The following RETREG1 variants were observed in gnomAD, a reference collection of about 807,000 sequenced individuals.
RETREG1 encodes reticulophagy regulator 1.
In RETREG1, 44 loss-of-function variants were observed where a neutral mutation model predicts 54.8. The observed-to-expected ratio is 0.80, with a 90% CI of 0.63 to 1.03. The LOEUF (loss-of-function observed/expected upper bound fraction) is 1.03, where lower values mean the gene tolerates loss of function less well. Among genes scored for constraint, RETREG1 ranks in the 50% least tolerant of loss-of-function variants. The pLI, the probability that RETREG1 is intolerant of heterozygous loss-of-function variation, is 0.00. For synonymous variants in RETREG1, 217 were observed against 238.5 expected (o/e 0.91, Z 0.83); for missense variants, 554 against 605.1 (o/e 0.92, Z 0.89).
chr5:16,607,179 C>T (rs1184320630), intron 1 of RETREG1, among the ~76,000 whole-genome samples: 3 of 152,130 alleles, frequency 2.0e-5, no homozygotes, highest in South Asian at 2.1e-4. Context: ...TCATAACATC[C>T]GGCCTTTTCT....
At chr5:16,595,958 A>T (rs988360563) in intron 1 of RETREG1, among the ~76,000 whole-genome samples, 6 of 152,200 alleles carry the variant, frequency 3.9e-5, no homozygotes, top group Non-Finnish European at 8.8e-5. Context: ...ACACTAGGGA[A>T]CATTATTATT....
chr5:16,480,433 A>G (rs577789974), intron 5 of RETREG1, among the ~76,000 whole-genome samples: 3 of 152,202 alleles, frequency 2.0e-5, no homozygotes, highest in Admixed American at 1.3e-4. Context: ...ATCTGTTATG[A>G]ACATTTATGT....
chr5:16,566,254 C>T (rs369011990), intron 2 of RETREG1, among the ~76,000 whole-genome samples: 26 of 151,832 alleles, frequency 1.7e-4, no homozygotes, highest in African/African-American at 5.6e-4. Flanking sequence ...GACATGGTGC[C>T]GACAAAAGGA....
chr5:16,560,846 G>A (rs932446328), intron 3 of RETREG1, among the ~76,000 whole-genome samples: 1 of 152,044 alleles, frequency 6.6e-6, no homozygotes, highest in Non-Finnish European at 1.5e-5. Flanking sequence ...ACAACATATC[G>A]AATCATCAAA....
Position 16,616,645 on chromosome 5 carries a change from C to G in RETREG1, c.320+7G>C. ...CCTCAGCGCCCCCACCTTGCCCAAG[C>G]TCTCACCAGAACAGCAGGTTGGCAG... On this transcript the variant is annotated splice_region_variant and intron_variant, in intron 1 of 8. Coordinates refer to ENST00000306320, the MANE Select transcript of RETREG1 (RefSeq NM_001034850.3). 2 of 1,589,442 alleles carry G rather than the reference C, an allele frequency of 1.3e-6. No homozygotes were observed. The highest frequency in any genetic ancestry group is 1.7e-6 in the Non-Finnish European group (2 of 1,174,044).
intron 3 of RETREG1, among the ~76,000 whole-genome samples, chr5:16,511,475 AG>A (rs1740172349): frequency 6.6e-6 from 1 of 152,208 alleles, no homozygotes; most frequent in African/African-American, 2.4e-5. Flanking sequence ...TTTTCAACTT[AG>A]GATGGGTTTC....
chr5:16,517,997 AAG>A (rs1554018880), intron 3 of RETREG1, among the ~76,000 whole-genome samples: 1 of 151,468 alleles, frequency 6.6e-6, no homozygotes, highest in Non-Finnish European at 1.5e-5. Flanking sequence ...TAGTTAGTAA[AAG>A]AGAGAGAGAA....
intron 3 of RETREG1, among the ~76,000 whole-genome samples, chr5:16,564,576 C>T (rs1415373460): frequency 3.3e-5 from 5 of 152,312 alleles, no homozygotes; most frequent in African/African-American, 9.6e-5. Context: ...CCTGCCTATG[C>T]GCAGCACACA....
At chr5:16,502,380 T>C (rs1472969528) in intron 3 of RETREG1, among the ~76,000 whole-genome samples, 2 of 152,228 alleles carry the variant, frequency 1.3e-5, no homozygotes, top group Non-Finnish European at 2.9e-5. Flanking sequence ...CTGGGCTGCC[T>C]GACCAATTGA....
At chr5:16,598,061 TC>T (rs756723168) in intron 1 of RETREG1, among the ~76,000 whole-genome samples, 1 of 151,898 alleles carries the variant, frequency 6.6e-6, no homozygotes, top group Non-Finnish European at 1.5e-5. Context: ...CCCCTCCCCT[TC>T]CATCTCCCCA....
intron 3 of RETREG1, among the ~76,000 whole-genome samples, chr5:16,484,137 A>C (rs78378287): frequency 0.03 from 4,608 of 152,212 alleles, 242 homozygotes; most frequent in African/African-American, 0.1. Flanking sequence ...ACATTTTCCT[A>C]ATCATCATCT....
At chr5:16,582,251 T>C (rs17650599) in intron 1 of RETREG1, among the ~76,000 whole-genome samples, 8,680 of 152,296 alleles carry the variant, frequency 0.057, 266 homozygotes, top group African/African-American at 0.073. Flanking sequence ...AGTTAGGGCC[T>C]ATTTCTATAT....
chr5:16,498,645 G>C (rs767572183), intron 3 of RETREG1, among the ~76,000 whole-genome samples: 1 of 152,100 alleles, frequency 6.6e-6, no homozygotes, highest in Non-Finnish European at 1.5e-5. Flanking sequence ...CCAGGAGGTC[G>C]AGGCTGCAGT....
chr5:16,544,114 T>C (rs1271356863), intron 3 of RETREG1, among the ~76,000 whole-genome samples: 1 of 151,802 alleles, frequency 6.6e-6, no homozygotes, highest in East Asian at 1.9e-4. Context: ...TAGCTGGGAT[T>C]ACAGGCGCCC....
chr5:16,538,615 C>T (rs140419611), intron 3 of RETREG1, among the ~76,000 whole-genome samples: 3 of 152,108 alleles, frequency 2.0e-5, no homozygotes, highest in South Asian at 2.1e-4. Context: ...CTCAGTGCAA[C>T]CACAGACCTA....
At chr5:16,499,417 A>G (rs1456910679) in intron 3 of RETREG1, among the ~76,000 whole-genome samples, 1 of 152,236 alleles carries the variant, frequency 6.6e-6, no homozygotes, top group Non-Finnish European at 1.5e-5. Context: ...AGTAGAAACT[A>G]GTAATTTCTA....
intron 3 of RETREG1, among the ~76,000 whole-genome samples, chr5:16,514,938 C>T (rs1740299178): frequency 6.8e-6 from 1 of 146,412 alleles, no homozygotes; most frequent in Admixed American, 6.9e-5. Flanking sequence ...AATATATGTG[C>T]ATATATATTA....
intron 3 of RETREG1, among the ~76,000 whole-genome samples, chr5:16,522,176 G>T (rs939357933): frequency 4.6e-5 from 7 of 151,828 alleles, no homozygotes; most frequent in Non-Finnish European, 8.8e-5. Context: ...AGAAGCATTT[G>T]CTACAAGAAA....
rs187594908 is a variant in RETREG1 at position 16,519,320 on chromosome 5, C to T, written c.459-35848G>A. ...TAAGTAAAAGATACAACAACCAAACCAACAAGAGTTCCCCAGGTTTAAATG... is the reference window on the plus strand; with the variant it reads ...TAAGTAAAAGATACAACAACCAAACTAACAAGAGTTCCCCAGGTTTAAATG... On this transcript the variant is annotated intron_variant, in intron 3 of 8. Transcript: ENST00000306320. Among the ~76,000 whole-genome samples the T allele has an allele frequency of 2.0e-5, 3 of 152,222 alleles. No homozygotes were observed. In the East Asian group the frequency reaches 5.8e-4, roughly 29 times the overall value.
Sources: allele counts gnomAD v4.1 joint callset (sites outside exome capture counted in the v4.1 genomes callset), GRCh38; gene constraint gnomAD v4.1.1; transcripts MANE v1.5; gene names NCBI Gene and HGNC (gene_info 2026-07-23, HGNC 2026-07-21).